Variants in TRIM6 observed in about 807,000 individuals in gnomAD.
TRIM6 encodes tripartite motif-containing protein 6.
A neutral mutation model predicts 51.2 loss-of-function variants in TRIM6; 43 were observed. The observed-to-expected ratio is 0.84, with a 90% CI of 0.66 to 1.08. The LOEUF (loss-of-function observed/expected upper bound fraction) is 1.08, where lower values mean the gene tolerates loss of function less well. Among genes scored for constraint, TRIM6 ranks in the 50% least tolerant of loss-of-function variants. The pLI, the probability that TRIM6 is intolerant of heterozygous loss-of-function variation, is 0.00. For missense variants in TRIM6, 669 were observed against 619.0 expected, an observed-to-expected ratio of 1.08 and a Z score of -0.86; for synonymous variants, 215 against 232.4, an observed-to-expected ratio of 0.93 and a Z score of 0.68.
chr11:5,601,550 G>A (rs1467061559), intron 1 of TRIM6, among the ~76,000 whole-genome samples: 1 of 152,144 alleles, frequency 6.6e-6, no homozygotes, highest in African/African-American at 2.4e-5. Context: ...TTGAGGTCAG[G>A]AGTTCGAGAT....
chr11:5,604,706 T>C, intron 3 of TRIM6, 77 bp downstream of exon 3: 1 of 1,466,822 alleles, frequency 6.8e-7, no homozygotes. Context: ...AAAGGAGTCC[T>C]TGTCCTGTCT....
chr11:5,596,671 C>A lies in TRIM6; in HGVS notation c.-227C>A, dbSNP rs1008495089. ...TGGGAGATGAGCCTTCCGCAAACTC[C>A]TGACCTGTGGGTCCGTCCGTTCAAC... On this transcript the variant is annotated 5_prime_UTR_variant, in exon 1 of 8. The change creates a new upstream start codon in the 5' untranslated region. Transcript: ENST00000380097. 1 of 621,960 alleles carries A rather than the reference C, an allele frequency of 1.6e-6. No individual in the cohort carries two copies. The highest frequency in any genetic ancestry group is 3.1e-5 in the East Asian group (1 of 32,654). 38.5% of individuals were successfully genotyped at this position (621,960 alleles called of 1,614,324 possible).
At chr11:5,607,629 T>C (rs186240941) in intron 4 of TRIM6, among the ~76,000 whole-genome samples, 1 of 152,194 alleles carries the variant, frequency 6.6e-6, no homozygotes, top group East Asian at 1.9e-4. Flanking sequence ...CCAAATGAAA[T>C]TGAGGATGTG....
At chr11:5,602,891 T>G (rs1590090772) in intron 1 of TRIM6, among the ~76,000 whole-genome samples, 2 of 152,120 alleles carry the variant, frequency 1.3e-5, no homozygotes, top group Admixed American at 1.3e-4. Flanking sequence ...GAGGCGGAGA[T>G]TGCAGTGAGC....
At chr11:5,599,383 A>ATTTATTTATT (rs1847682513) in intron 1 of TRIM6, among the ~76,000 whole-genome samples, 32 of 146,936 alleles carry the variant, frequency 2.2e-4, no homozygotes, top group African/African-American at 4.5e-4. Context: ...TACAATTATT[A>ATTTATTTATT]TATTTATTTA....
Position 5,605,396 on chromosome 11 carries a change from C to T in TRIM6, c.663C>T (p.Ile221=). ...IQTEFNQLRN[I]LDRVEQRELK... ...CAGAGTTTAATCAGCTGCGAAATAT[C>T]CTAGACAGAGTGGAGCAACGGGAGC... The change falls in exon 4 of 8, where the codon ATC becomes ATT. Residue 221 remains isoleucine (I), a synonymous_variant. Transcript: ENST00000380097. 2 of 1,614,134 alleles carry T rather than the reference C, an allele frequency of 1.2e-6. No homozygotes were observed. The highest frequency in any genetic ancestry group is 1.1e-5 in the South Asian group (1 of 91,078).
chr11:5,611,412 ATCT>A lies in TRIM6; in HGVS notation c.*74_*76del. On this transcript the variant is annotated 3_prime_UTR_variant, in exon 8 of 8. Transcript: ENST00000380097. ...TATCAGCATGTGATTCTCCCTTCTG[ATCT>A]TCTGTTTTTCTGTGTTCTCAATTCT... 2 of 1,249,964 alleles carry A rather than the reference ATCT, an allele frequency of 1.6e-6. No individual in the cohort carries two copies. The highest frequency in any genetic ancestry group is 2.3e-6 in the Non-Finnish European group (2 of 888,416). 77.4% of individuals were successfully genotyped at this position (1,249,964 alleles called of 1,614,324 possible).
chr11:5,610,842 G>A lies in TRIM6; in HGVS notation c.1051G>A (p.Val351Met). The A allele has an allele frequency of 1.2e-6, 2 of 1,614,240 alleles. No homozygotes were observed. The highest frequency in any genetic ancestry group is 1.1e-5 in the South Asian group (1 of 91,080). ...TGTCCTGGCTAAAAACCGGAGACAA[G>A]TGAGGTTTGTGGGAGCTAAAGTATC... ...NLVLAKNRRQ[V>M]RFVGAKVSGP... The change falls in exon 8 of 8, where the codon GTG becomes ATG. Residue 351 changes from valine to methionine, a missense_variant. Physicochemically the swap from Val to Met is conservative, Grantham distance 21 (BLOSUM62 1). Coordinates refer to ENST00000380097, the MANE Select transcript of TRIM6 (RefSeq NM_001003818.3).
At chr11:5,602,048 T>C (rs58676908) in intron 1 of TRIM6, among the ~76,000 whole-genome samples, 38,233 of 152,038 alleles carry the variant, frequency 0.25, 5,140 homozygotes, top group East Asian at 0.45. Context: ...CTATGCTAGC[T>C]GCCGAAGATA....
At position 5,611,099 on chromosome 11, in the gene TRIM6, T is replaced by C; in HGVS notation, c.1308T>C (p.His436=). The C allele has an allele frequency of 6.2e-7, 1 of 1,614,200 alleles. No homozygotes were observed. Among genetic ancestry groups the C allele is most frequent in the Non-Finnish European group, 8.5e-7 (1 of 1,180,040 alleles). ...GATACTGGGTGATTGGGTTACAGCATAACCATGAATATAGGGCCTATGAGG... is the reference window on the plus strand; with the variant it reads ...GATACTGGGTGATTGGGTTACAGCACAACCATGAATATAGGGCCTATGAGG... ...QSGYWVIGLQ[H]NHEYRAYEDS... is the part of the protein sequence containing the mutation. Residue 436 remains histidine, a synonymous_variant, in exon 8 of 8, where the codon CAT becomes CAC. Transcript: ENST00000380097.
At chr11:5,606,295 C>T (rs566383848) in intron 4 of TRIM6, among the ~76,000 whole-genome samples, 3 of 152,202 alleles carry the variant, frequency 2.0e-5, no homozygotes, top group East Asian at 3.9e-4. Context: ...GTGTGTAGGT[C>T]GCAGATTACA....
chr11:5,600,074 C>T (rs1259388153), intron 1 of TRIM6, among the ~76,000 whole-genome samples: 1 of 152,172 alleles, frequency 6.6e-6, no homozygotes, highest in Non-Finnish European at 1.5e-5. Flanking sequence ...GTAAATACGT[C>T]TGTAACACCA....
rs771784014 is a variant in TRIM6, at chr11:5,603,517, C to T, written c.289C>T (p.Arg97Trp). The T allele has an allele frequency of 3.5e-5, 56 of 1,613,978 alleles. No individual in the cohort carries two copies. The highest frequency in any genetic ancestry group is 8.0e-5 in the African/African-American group (6 of 74,896). Residue 97 changes from arginine (R) to tryptophan (W), a missense_variant, in exon 2 of 8, where the codon CGG becomes TGG. Physicochemically the swap from Arg to Trp is moderately radical, Grantham distance 101 (BLOSUM62 -3). Coordinates refer to ENST00000380097, the MANE Select transcript of TRIM6 (RefSeq NM_001003818.3). ...GACCAGCTACCAGCCAGGGAACCTG[C>T]GGCCTAATCGGCATCTGGCCAACAT... ...CQTSYQPGNL[R>W]PNRHLANIVR...
intron 5 of TRIM6, among the ~76,000 whole-genome samples, chr11:5,609,028 T>C (rs1848401993): frequency 6.6e-6 from 1 of 151,994 alleles, no homozygotes; most frequent in Admixed American, 6.6e-5. Context: ...TAAGTTTTTC[T>C]TTCTCCCAGG....
Position 5,610,301 on chromosome 11 carries a change from T to TA in TRIM6, c.958+59dup, listed in dbSNP as rs543022301. On this transcript the variant is annotated intron_variant, in intron 6 of 7. Coordinates refer to ENST00000380097, the MANE Select transcript of TRIM6 (RefSeq NM_001003818.3). ...GTGAAATTACTGTCGTGGGAAGAAA[T>TA]AAACGGGATAGAGGCTATAGTCGGT... 374 of 1,610,816 alleles carry TA rather than the reference T, an allele frequency of 2.3e-4. 1 individual carries two copies. In the African/African-American group the frequency reaches 3.3e-3, roughly 14 times the overall value.
intron 1 of TRIM6, among the ~76,000 whole-genome samples, chr11:5,600,744 A>T (rs1847789278): frequency 6.6e-6 from 1 of 152,118 alleles, no homozygotes; most frequent in Non-Finnish European, 1.5e-5. Context: ...CCAGCCAAAG[A>T]CAAGTTAGAG....
chr11:5,600,217 G>C (rs181026694), intron 1 of TRIM6, among the ~76,000 whole-genome samples: 2 of 152,078 alleles, frequency 1.3e-5, no homozygotes, highest in Admixed American at 6.5e-5. Context: ...ATTCAACACC[G>C]GCCCCGCCAC....
Position 5,610,546 on chromosome 11 carries a change from G to T in TRIM6, c.970G>T (p.Val324Phe), listed in dbSNP as rs146093933. 328 of 1,613,842 alleles carry T rather than the reference G, an allele frequency of 2.0e-4. No homozygotes were observed. The highest frequency in any genetic ancestry group is 1.2e-3 in the Middle Eastern group (7 of 6,058). ...MLRVCRELTD[V>F]QSYWVDVTLN... is the part of the protein sequence containing the mutation. ...TTTCATCATTACAGAGCTGACAGAT[G>T]TCCAAAGCTACTGGGGTAAGTAGAA... Residue 324 changes from valine (V) to phenylalanine (F), a missense_variant, in exon 7 of 8, where the codon GTC becomes TTC. Transcript: ENST00000380097.
At chr11:5,610,621 C>T in intron 7 of TRIM6, 60 bp downstream of exon 7, 1 of 1,589,420 alleles carries the variant, frequency 6.3e-7, no homozygotes, top group Non-Finnish European at 8.6e-7. Flanking sequence ...CACATGCCCT[C>T]CCCAGACATA....
Sources: gnomAD v4.1 joint callset for allele counts (sites outside exome capture counted in the v4.1 genomes callset) on GRCh38, gnomAD v4.1.1 for gene constraint, MANE v1.5 for transcripts, NCBI Gene and HGNC (gene_info 2026-07-23, HGNC 2026-07-21) for gene names.